XPO7: variants seen among roughly 807,000 people sequenced by gnomAD.
The protein encoded by XPO7 is exportin 7.
Under a neutral mutation model 144.3 loss-of-function variants are expected in XPO7, and 21 were observed. The ratio of observed to expected loss-of-function variants is 0.15; its 90% confidence interval spans 0.10 to 0.21. XPO7 has a LOEUF of 0.21. Among genes scored for constraint, XPO7 ranks in the 10% least tolerant of loss-of-function variants. The pLI, the probability that XPO7 is intolerant of heterozygous loss-of-function variation, is 1.00. For missense variants in XPO7, 808 were observed against 1,325.8 expected (o/e 0.61, Z 6.06); for synonymous variants, 580 against 499.6 (o/e 1.16, Z -2.15).
At chr8:21,920,788 C>T (rs1326633933) in intron 1 of XPO7, among the ~76,000 whole-genome samples, 2 of 152,034 alleles carry the variant, frequency 1.3e-5, no homozygotes, top group Non-Finnish European at 2.9e-5. Context: ...TTCTAGGTAA[C>T]CAAGTGCACA....
At chr8:21,997,347 G>A (rs1812986245) in intron 21 of XPO7, among the ~76,000 whole-genome samples, 1 of 152,186 alleles carries the variant, frequency 6.6e-6, no homozygotes, top group South Asian at 2.1e-4. Context: ...GTGATTAAGT[G>A]CCATGAAACA....
intron 14 of XPO7, 41 bp downstream of exon 14, chr8:21,987,317 C>T (rs137912915): frequency 1.2e-6 from 2 of 1,611,578 alleles, no homozygotes; most frequent in Non-Finnish European, 1.7e-6. Context: ...TCTCACTTCT[C>T]ACTTGTGGGA....
At chr8:21,931,745 T>C (rs1043234340) in intron 1 of XPO7, among the ~76,000 whole-genome samples, 1 of 152,232 alleles carries the variant, frequency 6.6e-6, no homozygotes, top group Admixed American at 6.5e-5. Context: ...CTTGGTCTGT[T>C]TTGTCTCTCC....
At chr8:21,976,290 G>T (rs779389052) in intron 6 of XPO7, 66 bp from the exon 7 acceptor site, 8 of 1,554,544 alleles carry the variant, frequency 5.1e-6, no homozygotes, top group Non-Finnish European at 7.0e-6. Context: ...CAGCTTTGTT[G>T]AGTCTGGGAG....
intron 1 of XPO7, among the ~76,000 whole-genome samples, chr8:21,938,479 T>C (rs572442512): frequency 6.6e-6 from 1 of 152,206 alleles, no homozygotes; most frequent in Non-Finnish European, 1.5e-5. Context: ...ACTGCTGGTA[T>C]GCCATGTGAT....
chr8:21,981,820 G>A lies in XPO7; in HGVS notation c.1047G>A (p.Val349=). Residue 349 remains valine, a synonymous_variant, in exon 10 of 28, where the codon GTG becomes GTA. Coordinates refer to ENST00000252512, the MANE Select transcript of XPO7 (RefSeq NM_015024.5). ...ATCAACTGGGAGAATTGGTAAAGGT[G>A]GAAAACTACCCTGAGGTCATCCGAT... ...SNYQLGELVK[V]ENYPEVIRLI... 1 of 1,614,006 alleles carries A rather than the reference G, an allele frequency of 6.2e-7. No homozygotes were observed. Among genetic ancestry groups the A allele is most frequent in the Non-Finnish European group, 8.5e-7 (1 of 1,179,872 alleles).
chr8:21,978,501 C>G (rs1812297318), intron 8 of XPO7, among the ~76,000 whole-genome samples: 1 of 152,170 alleles, frequency 6.6e-6, no homozygotes, highest in Non-Finnish European at 1.5e-5. Context: ...TAGCACTTCT[C>G]CAAATTAATG....
Position 22,002,100 on chromosome 8 carries a change from T to C in XPO7, c.2783-12T>C, listed in dbSNP as rs968637623. 7 of 1,603,106 alleles carry C rather than the reference T, an allele frequency of 4.4e-6. No individual in the cohort carries two copies. The African/African-American group carries it at 8.0e-5, about 18-fold the overall frequency. On this transcript the variant is annotated splice_polypyrimidine_tract_variant and intron_variant, in intron 24 of 27. Transcript: ENST00000252512. ...AGCAGCTCTGTCCTACCCCTGCCTT[T>C]CTTTCTTGCAGACACCATGGTATGC...
In XPO7 at chr8:21,987,797, T is replaced by C; in HGVS notation, c.1727T>C (p.Leu576Pro). Residue 576 changes from leucine to proline, a missense_variant, in exon 15 of 28, where the codon CTC becomes CCC. Coordinates refer to ENST00000252512, the MANE Select transcript of XPO7 (RefSeq NM_015024.5). ...TCTTAACACCAGCTGTACCGCCGACTCTCAGAAGTTCTGGGCTTGAATGAT... is the reference window on the plus strand; with the variant it reads ...TCTTAACACCAGCTGTACCGCCGACCCTCAGAAGTTCTGGGCTTGAATGAT... ...VQKSSKLYRR[L>P]SEVLGLNDET... The C allele has an allele frequency of 6.2e-7, 1 of 1,613,948 alleles. No homozygotes were observed. The highest frequency in any genetic ancestry group is 8.5e-7 in the Non-Finnish European group (1 of 1,179,808).
intron 13 of XPO7, 118 bp downstream of exon 13, chr8:21,985,809 G>T: frequency 1.3e-6 from 1 of 779,486 alleles, no homozygotes; most frequent in Non-Finnish European, 2.1e-6. Flanking sequence ...ATGAGACACA[G>T]CTTTCAAGGC....
At position 21,969,598 on chromosome 8, in the gene XPO7, C is replaced by T. The variant is rs55633459; in HGVS notation, c.259+22C>T. On this transcript the variant is annotated intron_variant, in intron 3 of 27. Coordinates refer to ENST00000252512, the MANE Select transcript of XPO7 (RefSeq NM_015024.5). ...ATTCGTAAGTGGAGAATTTTCTGTT[C>T]TGTCTTGAAGAAAATAGTTTGTTTA... 3.9e-3 allele frequency: 6,175 copies of T among 1,595,132 alleles called. 222 individuals are homozygous for T. In the African/African-American group the frequency reaches 0.074, roughly 19 times the overall value.
intron 1 of XPO7, among the ~76,000 whole-genome samples, chr8:21,936,114 A>G (rs1240892065): frequency 6.6e-6 from 1 of 152,142 alleles, no homozygotes; most frequent in African/African-American, 2.4e-5. Flanking sequence ...TTTAGTTTCC[A>G]GTCTTTTAAT....
intron 1 of XPO7, among the ~76,000 whole-genome samples, chr8:21,934,324 G>A (rs761278240): frequency 3.3e-5 from 5 of 151,970 alleles, no homozygotes; most frequent in Non-Finnish European, 7.4e-5. Context: ...ACCTGAGGTC[G>A]GGAGTTTGAG....
At chr8:21,932,717 G>A (rs1810692258) in intron 1 of XPO7, among the ~76,000 whole-genome samples, 1 of 152,116 alleles carries the variant, frequency 6.6e-6, no homozygotes, top group African/African-American at 2.4e-5. Flanking sequence ...ACGTTTAAAT[G>A]TTTAGATGAC....
chr8:21,987,948 G>A lies in XPO7; in HGVS notation c.1787+91G>A, dbSNP rs149424422. 2.4e-4 allele frequency: 325 copies of A among 1,347,190 alleles called. No homozygotes were observed. In the African/African-American group the frequency reaches 4.3e-3, roughly 18 times the overall value. The allele number at this position is 1,347,190 out of a possible 1,614,324, so 83.5% of individuals were successfully genotyped here. A position where few individuals can be genotyped will look rare whatever the true frequency, so the allele number is the denominator to read the frequency against. ...CTTGGCATTGTGCTGCCAGTGCCTGGTATTCCAGCATTGATCGTTTGCGTC... is the reference window on the plus strand; with the variant it reads ...CTTGGCATTGTGCTGCCAGTGCCTGATATTCCAGCATTGATCGTTTGCGTC... On this transcript the variant is annotated intron_variant, in intron 15 of 27. Coordinates refer to ENST00000252512, the MANE Select transcript of XPO7 (RefSeq NM_015024.5).
At chr8:21,960,265 C>G (rs182337330) in intron 1 of XPO7, among the ~76,000 whole-genome samples, 2 of 152,152 alleles carry the variant, frequency 1.3e-5, no homozygotes. Flanking sequence ...AAGACAAAAA[C>G]CAAAAATGAC....
intron 1 of XPO7, among the ~76,000 whole-genome samples, chr8:21,950,583 T>G (rs919752485): frequency 1.3e-5 from 2 of 152,204 alleles, no homozygotes; most frequent in African/African-American, 4.8e-5. Flanking sequence ...TTTATTAGCC[T>G]ACAAATAATA....
chr8:21,965,552 G>A (rs918370878), intron 1 of XPO7, among the ~76,000 whole-genome samples: 6 of 152,152 alleles, frequency 3.9e-5, no homozygotes, highest in Middle Eastern at 3.2e-3. Flanking sequence ...AAGATGGTTT[G>A]TTTCGTTTTA....
chr8:21,982,234 T>C (rs934480213), intron 10 of XPO7, among the ~76,000 whole-genome samples: 49 of 152,222 alleles, frequency 3.2e-4, no homozygotes, highest in Non-Finnish European at 1.0e-4. Flanking sequence ...GTCTCAAATT[T>C]TATGGCTTGT....
Sources: allele counts gnomAD v4.1 joint callset (sites outside exome capture counted in the v4.1 genomes callset), GRCh38; gene constraint gnomAD v4.1.1; transcripts MANE v1.5; gene names NCBI Gene and HGNC (gene_info 2026-07-23, HGNC 2026-07-21).